FSTL4: variants seen among roughly 807,000 people sequenced by gnomAD.
FSTL4 encodes the protein follistatin like 4.
FSTL4 carries 28 observed loss-of-function variants against 78.2 expected under a neutral mutation model. That is an observed-to-expected ratio of 0.36 (90% CI 0.27 to 0.49). FSTL4 has a LOEUF of 0.49. FSTL4 is among the 20% of genes least tolerant of loss of function. The pLI, the probability that FSTL4 is intolerant of heterozygous loss-of-function variation, is 0.98. For missense variants in FSTL4, 922 were observed against 1,084.9 expected (o/e 0.85, Z 2.11); for synonymous variants, 422 against 440.5 (o/e 0.96, Z 0.53).
intron 11 of FSTL4, among the ~76,000 whole-genome samples, chr5:133,222,122 C>CT (rs146337308): frequency 0.011 from 1,677 of 151,976 alleles, 37 homozygotes; most frequent in African/African-American, 0.039. Flanking sequence ...GGGGCTGACT[C>CT]TATGATAAAC....
At chr5:133,351,584 C>A (rs922093770) in intron 4 of FSTL4, among the ~76,000 whole-genome samples, 2 of 152,022 alleles carry the variant, frequency 1.3e-5, no homozygotes, top group African/African-American at 4.8e-5. Flanking sequence ...TTAATTCTCT[C>A]TTCAGCTGCC....
chr5:133,219,275 C>T (rs900297853), intron 12 of FSTL4, among the ~76,000 whole-genome samples: 44 of 152,312 alleles, frequency 2.9e-4, no homozygotes, highest in African/African-American at 1.0e-3. Flanking sequence ...ATGCCACCCC[C>T]CATTCTCTCC....
the FSTL4 span, among the ~76,000 whole-genome samples, chr5:133,643,695 G>A: frequency 6.6e-6 from 1 of 152,168 alleles, no homozygotes; most frequent in Admixed American, 6.5e-5. Context: ...ACTATGTCCT[G>A]TATTAACAGA....
At chr5:133,379,643 A>G (rs984449751) in intron 4 of FSTL4, among the ~76,000 whole-genome samples, 1 of 152,260 alleles carries the variant, frequency 6.6e-6, no homozygotes, top group Non-Finnish European at 1.5e-5. Flanking sequence ...ACACACCTAC[A>G]TAACCAATGG....
chr5:133,738,874 C>A, the FSTL4 span, among the ~76,000 whole-genome samples: 2 of 152,174 alleles, frequency 1.3e-5, no homozygotes, highest in East Asian at 1.9e-4. Flanking sequence ...AGAGCCAAGG[C>A]TGGGGCCCCA....
In FSTL4 at chr5:133,440,968, C is replaced by T. The variant is rs980820427; in HGVS notation, c.161-39982G>A. On this transcript the variant is annotated intron_variant, in intron 3 of 15. Coordinates refer to ENST00000265342, the MANE Select transcript of FSTL4 (RefSeq NM_015082.2). This position sits in a 1 kb window ranked among gnomAD's most constrained non-coding sequence, Gnocchi z 4.1. ...GTCAGAAAAAGGAAGAAAACACTCC[C>T]GGTGTCAGGGCCTGCACAGCACAGG... Among the ~76,000 whole-genome samples the T allele has an allele frequency of 2.0e-5, 3 of 152,148 alleles. No individual in the cohort carries two copies. The highest frequency in any genetic ancestry group is 2.9e-5 in the Non-Finnish European group (2 of 68,026).
intron 4 of FSTL4, among the ~76,000 whole-genome samples, chr5:133,341,080 C>T (rs982680821): frequency 2.0e-5 from 3 of 152,202 alleles, no homozygotes; most frequent in Non-Finnish European, 4.4e-5. Flanking sequence ...TCATTCGCAT[C>T]ACACAGCAGG....
At chr5:133,467,100 G>T (rs1257803067) in intron 3 of FSTL4, among the ~76,000 whole-genome samples, 1 of 151,930 alleles carries the variant, frequency 6.6e-6, no homozygotes, top group Non-Finnish European at 1.5e-5. Flanking sequence ...AAGAGTGTGT[G>T]TGTATATATG....
At chr5:133,719,260 C>A in the FSTL4 span, among the ~76,000 whole-genome samples, 548 of 152,048 alleles carry the variant, frequency 3.6e-3, 7 homozygotes, top group African/African-American at 0.013. Flanking sequence ...GTAAAGGATC[C>A]CTTAAAATTA....
rs763731230 is a variant in FSTL4, at chr5:133,220,859, G to A, written c.1347C>T (p.Ser449=). The A allele has an allele frequency of 2.5e-6, 4 of 1,598,626 alleles. No homozygotes were observed. Among genetic ancestry groups the A allele is most frequent in the African/African-American group, 1.3e-5 (1 of 74,756 alleles). ...AGAAGACATAGAACATGTTTCCCAC[G>A]CTGAGGCCTGGGAGGAGCAAATGGA... ...ANILWREEGL[S]VGNMFYVFSD... Residue 449 remains serine (S), a synonymous_variant, in exon 12 of 16, where the codon AGC becomes AGT. Transcript: ENST00000265342.
chr5:133,337,201 C>T (rs1001461016), intron 4 of FSTL4, among the ~76,000 whole-genome samples: 12 of 152,284 alleles, frequency 7.9e-5, no homozygotes, highest in African/African-American at 1.4e-4. Flanking sequence ...TTCCAGACAG[C>T]GTGCACCAGG....
chr5:133,557,552 T>G (rs1164920483), intron 3 of FSTL4, among the ~76,000 whole-genome samples: 2 of 152,214 alleles, frequency 1.3e-5, no homozygotes, highest in Non-Finnish European at 2.9e-5. Flanking sequence ...CAGCATTAAT[T>G]AAGTGCATGA....
At chr5:133,770,567 A>T in the FSTL4 span, among the ~76,000 whole-genome samples, 1 of 151,810 alleles carries the variant, frequency 6.6e-6, no homozygotes, top group African/African-American at 2.4e-5. Context: ...CCAATTTTTA[A>T]TGGGGTTTTC....
chr5:133,258,606 C>A (rs1465665010), intron 6 of FSTL4, among the ~76,000 whole-genome samples: 2 of 152,166 alleles, frequency 1.3e-5, no homozygotes, highest in African/African-American at 4.8e-5. Context: ...CAGTCATCAT[C>A]CATGCTCTCC....
chr5:133,429,766 C>T (rs1461191665), intron 3 of FSTL4, among the ~76,000 whole-genome samples: 3 of 152,284 alleles, frequency 2.0e-5, no homozygotes, highest in East Asian at 1.9e-4. Flanking sequence ...ATCCATTCCC[C>T]GTGAGGCATC....
the FSTL4 span, among the ~76,000 whole-genome samples, chr5:133,621,653 A>C: frequency 6.6e-6 from 1 of 152,186 alleles, no homozygotes; most frequent in Non-Finnish European, 1.5e-5. Flanking sequence ...GGTGCAATGT[A>C]TACTGCTCGG....
At chr5:133,319,099 G>A (rs1561670059) in intron 4 of FSTL4, among the ~76,000 whole-genome samples, 1 of 152,216 alleles carries the variant, frequency 6.6e-6, no homozygotes, top group Non-Finnish European at 1.5e-5. Flanking sequence ...GAAGTGGGGT[G>A]CTGCAGCATC....
chr5:133,710,005 A>G, the FSTL4 span, among the ~76,000 whole-genome samples: 1 of 152,188 alleles, frequency 6.6e-6, no homozygotes, highest in Non-Finnish European at 1.5e-5. Context: ...GTGTCTTTCC[A>G]TGCTCTGCAA....
chr5:133,266,091 C>T (rs537792555), intron 6 of FSTL4, among the ~76,000 whole-genome samples: 1 of 152,350 alleles, frequency 6.6e-6, no homozygotes, highest in Admixed American at 6.5e-5. Flanking sequence ...CTGGCAGCCC[C>T]GAATCCCACT....
Sources: gnomAD v4.1 joint callset for allele counts (sites outside exome capture counted in the v4.1 genomes callset) on GRCh38, gnomAD v4.1.1 for gene constraint, Gnocchi (gnomAD v3.1) non-coding constraint, MANE v1.5 for transcripts, NCBI Gene and HGNC (gene_info 2026-07-23, HGNC 2026-07-21) for gene names.